SMG7: variants seen among roughly 807,000 people sequenced by gnomAD.
The protein encoded by SMG7 is nonsense-mediated mRNA decay factor SMG7.
A neutral mutation model predicts 148.2 loss-of-function variants in SMG7; 34 were observed. The ratio of observed to expected loss-of-function variants is 0.23; its 90% CI spans 0.17 to 0.31. SMG7 has a LOEUF of 0.31. SMG7 is among the 10% of genes least tolerant of loss of function. The pLI, the probability that SMG7 is intolerant of heterozygous loss-of-function variation, is 1.00. For synonymous variants in SMG7, 492 were observed against 515.1 expected, an observed-to-expected ratio of 0.96 and a Z score of 0.61; for missense variants, 1,114 against 1,408.4, an observed-to-expected ratio of 0.79 and a Z score of 3.35.
In SMG7 at chr1:183,501,978, G is replaced by A. The variant is rs773311375; in HGVS notation, c.30-10859G>A. On this transcript the variant is annotated intron_variant, in intron 1 of 22. Transcript: ENST00000688051. ...CTTAAAAGAGCCCTGCTTGGTAACC[G>A]GTATCTGTTTGTCCTGTAGTGATCA... Among the ~76,000 whole-genome samples the A allele has an allele frequency of 3.9e-5, 6 of 152,154 alleles. No homozygotes were observed. The South Asian group carries it at 1.0e-3, about 26-fold the overall frequency.
intron 15 of SMG7, 121 bp downstream of exon 15, chr1:183,544,618 C>T (rs578004851): frequency 9.6e-7 from 1 of 1,045,144 alleles, no homozygotes; most frequent in African/African-American, 1.6e-5. Flanking sequence ...TTCTATTTTC[C>T]CTAATACTTA....
chr1:183,517,966 C>T (rs902321821), intron 4 of SMG7, 146 bp downstream of exon 4: 42 of 844,582 alleles, frequency 5.0e-5, no homozygotes, highest in African/African-American at 1.9e-4. Context: ...TCTTTTTTGG[C>T]GACAGAGTCT....
At chr1:183,474,815 G>A (rs1651733983) in intron 1 of SMG7, among the ~76,000 whole-genome samples, 1 of 152,128 alleles carries the variant, frequency 6.6e-6, no homozygotes, top group African/African-American at 2.4e-5. Context: ...TCAAGAAAAT[G>A]GCACTTAGGA....
At chr1:183,496,341 T>C (rs532433125) in intron 1 of SMG7, among the ~76,000 whole-genome samples, 1 of 152,224 alleles carries the variant, frequency 6.6e-6, no homozygotes, top group Non-Finnish European at 1.5e-5. Context: ...TGTTTCTCTA[T>C]TGGATCTTTT....
chr1:183,546,436 T>C (rs573864375), intron 17 of SMG7, 99 bp downstream of exon 17: 6 of 1,286,348 alleles, frequency 4.7e-6, no homozygotes, highest in Admixed American at 4.6e-5. Context: ...GCCACTCTTA[T>C]TCGTTAGTAC....
At chr1:183,499,400 T>C (rs150830730) in intron 1 of SMG7, among the ~76,000 whole-genome samples, 1,730 of 152,310 alleles carry the variant, frequency 0.011, 15 homozygotes, top group Non-Finnish European at 0.018. Context: ...CACATTCTCA[T>C]TCGCATTTGG....
At chr1:183,543,915 AG>A (rs1274177396) in intron 14 of SMG7, among the ~76,000 whole-genome samples, 48 of 152,306 alleles carry the variant, frequency 3.2e-4, no homozygotes, top group Admixed American at 9.8e-4. Context: ...AATCAAACTG[AG>A]GGCCAAAATA....
intron 15 of SMG7, 38 bp from the exon 16 acceptor site, chr1:183,544,892 T>C: frequency 6.3e-7 from 1 of 1,575,162 alleles, no homozygotes. Flanking sequence ...TTTTTTGCTG[T>C]TTCCTTAAAA....
intron 1 of SMG7, among the ~76,000 whole-genome samples, chr1:183,511,394 A>C (rs996400771): frequency 1.3e-5 from 2 of 152,230 alleles, no homozygotes. Context: ...TTTCTGAAGC[A>C]GTAATGTTCT....
intron 1 of SMG7, 52 bp from the exon 2 acceptor site, chr1:183,512,785 C>T: frequency 6.6e-7 from 1 of 1,507,200 alleles, no homozygotes; most frequent in Non-Finnish European, 8.9e-7. Context: ...TTAGTTAGGC[C>T]TCGTTTGTTT....
chr1:183,480,370 A>G (rs1433466802), intron 1 of SMG7, among the ~76,000 whole-genome samples: 7 of 151,854 alleles, frequency 4.6e-5, no homozygotes, highest in African/African-American at 7.3e-5. Flanking sequence ...TTTAGTTACC[A>G]TCTACTTTTC....
chr1:183,498,637 G>A (rs1034197857), intron 1 of SMG7, among the ~76,000 whole-genome samples: 7 of 152,148 alleles, frequency 4.6e-5, no homozygotes, highest in African/African-American at 1.4e-4. Flanking sequence ...GACAAATTGC[G>A]AGAAAGGTAT....
At position 183,546,272 on chromosome 1, in the gene SMG7, A is replaced by G. The variant is rs1454388623; in HGVS notation, c.2677A>G (p.Arg893Gly). ...GGCACAGCAAGCAAACATAGACCGCAGGGGCAAACGGTCACCAGGAGTCTT... is the reference window on the plus strand; with the variant it reads ...GGCACAGCAAGCAAACATAGACCGCGGGGGCAAACGGTCACCAGGAGTCTT... Reference protein sequence around the residue: ...VMAQQANIDRRGKRSPGVFRP... With the variant: ...VMAQQANIDRGGKRSPGVFRP... Residue 893 changes from arginine to glycine, a missense_variant, in exon 17 of 23, where the codon AGG becomes GGG. Arg to Gly is a moderately radical substitution (Grantham distance 125). Coordinates refer to ENST00000688051, the MANE Select transcript of SMG7 (RefSeq NM_001375584.1). The G allele has an allele frequency of 6.2e-7, 1 of 1,614,080 alleles. No individual in the cohort carries two copies.
intron 4 of SMG7, among the ~76,000 whole-genome samples, chr1:183,521,955 G>C (rs986632042): frequency 1.3e-5 from 2 of 152,010 alleles, no homozygotes; most frequent in African/African-American, 4.8e-5. Flanking sequence ...CGATAACCCT[G>C]GATAAAGGGA....
At chr1:183,489,619 A>G (rs1337893381) in intron 1 of SMG7, among the ~76,000 whole-genome samples, 2 of 152,182 alleles carry the variant, frequency 1.3e-5, no homozygotes, top group African/African-American at 4.8e-5. Flanking sequence ...GAATAGGACC[A>G]TGGCTGGGTT....
In SMG7 at chr1:183,541,974, G is replaced by C. The variant is rs1457033645; in HGVS notation, c.1416-102G>C. The C allele has an allele frequency of 5.2e-6, 5 of 960,672 alleles. No individual in the cohort carries two copies. The Admixed American group carries it at 7.6e-5, about 15-fold the overall frequency. 59.5% of individuals were successfully genotyped at this position (960,672 alleles called of 1,614,324 possible). A position where few individuals can be genotyped will look rare whatever the true frequency, so the allele number is the denominator to read the frequency against. On this transcript the variant is annotated intron_variant, in intron 13 of 22. Transcript: ENST00000688051. ...ATTGTTATATCCTGCTGTTTTCATG[G>C]TTATTAGTGCTAGGAATATATTGAC...
Position 183,545,254 on chromosome 1 carries a change from C to G in SMG7, c.2312C>G (p.Pro771Arg), listed in dbSNP as rs1187725094. The G allele has an allele frequency of 1.2e-6, 2 of 1,613,738 alleles. No individual in the cohort carries two copies. Among genetic ancestry groups the G allele is most frequent in the Non-Finnish European group, 1.7e-6 (2 of 1,180,002 alleles). ...GCTCTAACTCAGCAACAACAATCCC[C>G]TACAAAAGCTGTGCCGGCTTTGGGG... The part of the protein sequence containing the change: ...VQALTQQQQS[P>R]TKAVPALGKS... The change falls in exon 16 of 23, where the codon CCT (proline) becomes CGT (arginine). Residue 771 changes from proline to arginine, a missense_variant. By Grantham distance (103) the Pro-to-Arg change is moderately radical (BLOSUM62 -2). This residue lies in a region of SMG7 where 788 missense variants were observed against 894.5 expected (regional missense o/e 0.88). Coordinates refer to ENST00000688051, the MANE Select transcript of SMG7 (RefSeq NM_001375584.1).
At chr1:183,507,589 A>G (rs1423205622) in intron 1 of SMG7, among the ~76,000 whole-genome samples, 1 of 152,176 alleles carries the variant, frequency 6.6e-6, no homozygotes, top group Non-Finnish European at 1.5e-5. Context: ...GTGTGAAGTA[A>G]ATAATTTATG....
At chr1:183,499,744 T>C (rs1290552369) in intron 1 of SMG7, among the ~76,000 whole-genome samples, 1 of 152,216 alleles carries the variant, frequency 6.6e-6, no homozygotes, top group African/African-American at 2.4e-5. Context: ...TGTCCCTTTG[T>C]CAGTTTTTTC....
Sources: gnomAD v4.1 joint callset for allele counts (sites outside exome capture counted in the v4.1 genomes callset) on GRCh38, gnomAD v4.1.1 for gene constraint, gnomAD v4.1.1 regional missense constraint, MANE v1.5 for transcripts, NCBI Gene and HGNC (gene_info 2026-07-23, HGNC 2026-07-21) for gene names.